IPO11: variants seen among roughly 807,000 people sequenced by gnomAD.
The protein encoded by IPO11 is importin 11.
Under a neutral mutation model 143.2 loss-of-function variants are expected in IPO11, and 66 were observed. That is an observed-to-expected ratio of 0.46 (90% CI 0.38 to 0.57). The LOEUF (loss-of-function observed/expected upper bound fraction) is 0.57. Ranked by LOEUF, IPO11 falls within the 20% of genes least tolerant of loss-of-function variation. IPO11 has a pLI of 0.00. For synonymous variants in IPO11, 385 were observed against 377.8 expected (o/e 1.02, Z -0.22); for missense variants, 1,026 against 1,141.0 (o/e 0.90, Z 1.45).
At chr5:62,598,427 T>C (rs1227701800) in intron 28 of IPO11, among the ~76,000 whole-genome samples, 6 of 7,124 alleles carry the variant, frequency 8.4e-4, no homozygotes, top group African/African-American at 2.0e-3. Flanking sequence ...TTTCTTTCTT[T>C]CTTTCTCTCT....
At chr5:62,509,893 T>C (rs1226150612) in intron 19 of IPO11, among the ~76,000 whole-genome samples, 1 of 152,198 alleles carries the variant, frequency 6.6e-6, no homozygotes. Flanking sequence ...CTGATTTCAG[T>C]TCTTTTGAAT....
At chr5:62,425,441 C>T (rs112825217) in intron 1 of IPO11, among the ~76,000 whole-genome samples, 2,496 of 152,276 alleles carry the variant, frequency 0.016, 64 homozygotes, top group African/African-American at 0.058. Context: ...CCTCAGCCTC[C>T]CGAGTAGCTG....
chr5:62,497,126 A>G (rs571141731), intron 16 of IPO11, among the ~76,000 whole-genome samples: 2 of 152,322 alleles, frequency 1.3e-5, no homozygotes, highest in Admixed American at 6.5e-5. Flanking sequence ...CTGATTAACT[A>G]CCGTTGTCCA....
chr5:62,628,243 C>T lies in IPO11; in HGVS notation c.*925C>T, dbSNP rs1746654003. ...ATACCTGGGAGGATCCAGCAGTAATCCCCAGGGTACTAGGATTACTAGTAC... is the reference window on the plus strand; with the variant it reads ...ATACCTGGGAGGATCCAGCAGTAATTCCCAGGGTACTAGGATTACTAGTAC... On this transcript the variant is annotated 3_prime_UTR_variant, in exon 30 of 30. Transcript: ENST00000325324. 6.6e-6 allele frequency: 1 copy of T among 152,466 alleles called. No individual in the cohort carries two copies. The highest frequency in any genetic ancestry group is 6.5e-5 in the Admixed American group (1 of 15,278). 9.4% of individuals were successfully genotyped at this position (152,466 alleles called of 1,614,324 possible).
chr5:62,439,298 T>G (rs1414580843), intron 2 of IPO11, among the ~76,000 whole-genome samples: 1 of 142,892 alleles, frequency 7.0e-6, no homozygotes, highest in Non-Finnish European at 1.5e-5. Flanking sequence ...TTTTTTTTTT[T>G]TTTTTTTTTG....
At chr5:62,458,146 CAAAAAAAAAAA>C (rs58357821) in intron 5 of IPO11, among the ~76,000 whole-genome samples, 1 of 63,284 alleles carries the variant, frequency 1.6e-5, no homozygotes, top group Non-Finnish European at 3.2e-5. Flanking sequence ...GACTCTGTCT[CAAAAAAAAAAA>C]AAAAAAAAGA....
chr5:62,440,501 C>T (rs1744429808), intron 2 of IPO11, among the ~76,000 whole-genome samples: 1 of 148,770 alleles, frequency 6.7e-6, no homozygotes, highest in Non-Finnish European at 1.5e-5. Context: ...ATTACAGGCG[C>T]CCCCCCACCA....
intron 2 of IPO11, among the ~76,000 whole-genome samples, chr5:62,439,284 G>GTTTTTTTTTTTT (rs1226593063): frequency 2.2e-5 from 2 of 90,924 alleles, no homozygotes; most frequent in African/African-American, 4.4e-5. Flanking sequence ...AACTGCGTAG[G>GTTTTTTTTTTTT]TTTTTTTTTT....
intron 27 of IPO11, among the ~76,000 whole-genome samples, chr5:62,574,162 A>G (rs1033164059): frequency 5.9e-5 from 9 of 152,220 alleles, no homozygotes; most frequent in Non-Finnish European, 1.3e-4. Context: ...GTCTTCATTC[A>G]TGTAACTTCA....
intron 27 of IPO11, among the ~76,000 whole-genome samples, chr5:62,564,934 C>T (rs1743883775): frequency 6.6e-6 from 1 of 152,288 alleles, no homozygotes; most frequent in South Asian, 2.1e-4. Flanking sequence ...CTCCCATGTG[C>T]CTGTTTCCTT....
intron 3 of IPO11, 67 bp downstream of exon 3, chr5:62,443,150 A>G (rs1744559263): frequency 2.0e-6 from 2 of 1,011,234 alleles, no homozygotes; most frequent in Non-Finnish European, 3.0e-6. Flanking sequence ...GTGTAAGAAT[A>G]CTTGTTTATG....
chr5:62,548,805 T>G (rs1316965693), intron 24 of IPO11, among the ~76,000 whole-genome samples: 1 of 152,186 alleles, frequency 6.6e-6, no homozygotes, highest in Non-Finnish European at 1.5e-5. Context: ...TTTCTCTGAC[T>G]TGAGTCAGTT....
intron 1 of IPO11, among the ~76,000 whole-genome samples, chr5:62,431,509 A>G (rs1743987027): frequency 1.3e-5 from 2 of 152,020 alleles, no homozygotes; most frequent in South Asian, 4.1e-4. Context: ...TCCAGGGGCT[A>G]ATTTTAAAAC....
Position 62,598,387 on chromosome 5 carries a change from G to GCTTTCTTT in IPO11, c.2679-3374_2679-3373insTCTTTCTT, listed in dbSNP as rs1561380373. Among the ~76,000 whole-genome samples the GCTTTCTTT allele has an allele frequency of 1.1e-3, 41 of 36,222 alleles. 6 individuals carry two copies. Among genetic ancestry groups the GCTTTCTTT allele is most frequent in the East Asian group, 2.0e-3 (2 of 976 alleles). The allele number at this position is 36,222 out of a possible 152,430, so 23.8% of individuals were successfully genotyped here. A position where few individuals can be genotyped will look rare whatever the true frequency, so the allele number is the denominator to read the frequency against. On this transcript the variant is annotated intron_variant, in intron 28 of 29. Coordinates refer to ENST00000325324, the MANE Select transcript of IPO11 (RefSeq NM_016338.5). ...CGACCCATAAATTGTTTGCTTGCTT[G>GCTTTCTTT]CTTGCTTTCTTTCTTTCTTTCTTTC...
rs1028023751 is a variant in IPO11, at chr5:62,419,038, G to A, written c.-7+6109G>A. 22 of 1,550,994 alleles carry A rather than the reference G, an allele frequency of 1.4e-5. No individual in the cohort carries two copies. In the African/African-American group the frequency reaches 3.0e-4, roughly 21 times the overall value. ...GATGGTACAGCCTATTATACACTTG[G>A]GCTATGTGGTATATAGCTTATTGTA... On this transcript the variant is annotated intron_variant, in intron 1 of 29. Coordinates refer to ENST00000325324, the MANE Select transcript of IPO11 (RefSeq NM_016338.5).
chr5:62,600,538 T>A (rs957748904), intron 28 of IPO11, among the ~76,000 whole-genome samples: 1 of 152,238 alleles, frequency 6.6e-6, no homozygotes, highest in African/African-American at 2.4e-5. Flanking sequence ...AGAAACCCCA[T>A]ATTATTATTC....
At chr5:62,418,004 A>C (rs1743364061) in intron 1 of IPO11, among the ~76,000 whole-genome samples, 1 of 152,038 alleles carries the variant, frequency 6.6e-6, no homozygotes, top group African/African-American at 2.4e-5. Context: ...TTATTTATTT[A>C]TTTCTGAGAC....
At chr5:62,626,189 C>T (rs1746568723) in intron 29 of IPO11, among the ~76,000 whole-genome samples, 1 of 152,124 alleles carries the variant, frequency 6.6e-6, no homozygotes, top group Non-Finnish European at 1.5e-5. Context: ...ACCACCACGC[C>T]AGGCTAATTT....
intron 24 of IPO11, among the ~76,000 whole-genome samples, chr5:62,540,762 T>G (rs1303886251): frequency 6.6e-6 from 1 of 152,236 alleles, no homozygotes; most frequent in Non-Finnish European, 1.5e-5. Flanking sequence ...TGAGCTTATA[T>G]ATATAAACAG....
Sources: gnomAD v4.1 joint callset for allele counts (sites outside exome capture counted in the v4.1 genomes callset) on GRCh38, gnomAD v4.1.1 for gene constraint, MANE v1.5 for transcripts, NCBI Gene and HGNC (gene_info 2026-07-23, HGNC 2026-07-21) for gene names.